CPXM2: variants seen among roughly 807,000 people sequenced by gnomAD.
CPXM2 encodes inactive carboxypeptidase-like protein X2.
In CPXM2, 66 loss-of-function variants were observed where a neutral mutation model predicts 86.1. The observed-to-expected ratio is 0.77, with a 90% CI of 0.63 to 0.94. The LOEUF (loss-of-function observed/expected upper bound fraction) is 0.94, where lower values mean the gene tolerates loss of function less well. Ranked by LOEUF, CPXM2 falls within the 40% of genes least tolerant of loss-of-function variation. CPXM2 has a pLI of 0.00. For missense variants in CPXM2, 948 were observed against 1,026.3 expected, an observed-to-expected ratio of 0.92 and a Z score of 1.04; for synonymous variants, 388 against 400.2, an observed-to-expected ratio of 0.97 and a Z score of 0.36.
At chr10:123,923,617 G>T (rs2362924) in intron 2 of CPXM2, among the ~76,000 whole-genome samples, 1 of 151,860 alleles carries the variant, frequency 6.6e-6, no homozygotes, top group Non-Finnish European at 1.5e-5. Flanking sequence ...CTTAGGACAC[G>T]TGAGGAAATT....
chr10:123,772,965 CTT>C (rs1381133911), intron 7 of CPXM2, among the ~76,000 whole-genome samples: 5 of 151,862 alleles, frequency 3.3e-5, no homozygotes, highest in East Asian at 2.0e-4. Flanking sequence ...TCTTACCTCT[CTT>C]GTTTGTGGTC....
intron 3 of CPXM2, among the ~76,000 whole-genome samples, chr10:123,860,518 AG>A (rs1370341439): frequency 6.6e-6 from 1 of 152,248 alleles, no homozygotes; most frequent in Non-Finnish European, 1.5e-5. Flanking sequence ...CAACACATTT[AG>A]GATTAACAGG....
chr10:123,757,232 A>G lies in CPXM2; in HGVS notation c.1898T>C (p.Leu633Pro). ...ATATACCTGCTCCATGAACACGATC[A>G]GAGATTCCCGGTTATTCTCCCACTC... Reference protein sequence around the residue: ...PEEWENNRESLIVFMEQVHRG... With the variant: ...PEEWENNRESPIVFMEQVHRG... The change falls in exon 12 of 14, where the codon CTG becomes CCG. Residue 633 changes from leucine to proline, a missense_variant. Physicochemically the swap from Leu to Pro is moderately conservative, Grantham distance 98 (BLOSUM62 -3). Coordinates refer to ENST00000241305, the MANE Select transcript of CPXM2 (RefSeq NM_198148.3). 2 of 1,614,090 alleles carry G rather than the reference A, an allele frequency of 1.2e-6. No homozygotes were observed. Among genetic ancestry groups the G allele is most frequent in the Non-Finnish European group, 1.7e-6 (2 of 1,179,954 alleles).
chr10:123,917,430 G>T (rs549476134), intron 2 of CPXM2, among the ~76,000 whole-genome samples: 1 of 152,354 alleles, frequency 6.6e-6, no homozygotes, highest in South Asian at 2.1e-4. Flanking sequence ...GTTGGAGAGA[G>T]CCTGCGGACA....
rs1311549640 is a variant in CPXM2 at position 123,881,227 on chromosome 10, C to CCTTCT, written c.305-923_305-919dup. 3.2e-5 allele frequency among the ~76,000 whole-genome samples: 3 copies of CCTTCT among 93,538 alleles called. 1 individual carries two copies. Among genetic ancestry groups the CCTTCT allele is most frequent in the Non-Finnish European group, 6.8e-5 (3 of 43,886 alleles). The allele number at this position is 93,538 out of a possible 152,430, so 61.4% of individuals were successfully genotyped here. On this transcript the variant is annotated intron_variant, in intron 1 of 13. Coordinates refer to ENST00000241305, the MANE Select transcript of CPXM2 (RefSeq NM_198148.3). ...TATGTTGTTCCTTCTCCTGGAGCAC[C>CCTTCT]CTTCTCTTCCCTTCCCTTCCCTTCC...
chr10:123,938,172 A>G (rs1945740597), intron 2 of CPXM2, among the ~76,000 whole-genome samples: 1 of 152,054 alleles, frequency 6.6e-6, no homozygotes, highest in African/African-American at 2.4e-5. Flanking sequence ...GCACACAATC[A>G]CTAGGAGGTC....
At chr10:123,915,346 C>G (rs1945526603) in intron 2 of CPXM2, among the ~76,000 whole-genome samples, 1 of 152,100 alleles carries the variant, frequency 6.6e-6, no homozygotes. Context: ...TCACTTGAGG[C>G]CAGGAGTTCG....
chr10:123,828,662 G>A (rs919044988), intron 4 of CPXM2, among the ~76,000 whole-genome samples: 3 of 152,158 alleles, frequency 2.0e-5, no homozygotes, highest in Non-Finnish European at 4.4e-5. Context: ...TCAGCAGCAT[G>A]AAAACAAACT....
chr10:123,775,154 GT>G (rs1846751892), intron 7 of CPXM2, among the ~76,000 whole-genome samples: 2 of 152,280 alleles, frequency 1.3e-5, no homozygotes, highest in South Asian at 4.2e-4. Flanking sequence ...CCATGAAGGT[GT>G]AGTAGAGAAA....
intron 2 of CPXM2, among the ~76,000 whole-genome samples, chr10:123,916,423 A>G (rs1025461579): frequency 4.6e-5 from 7 of 152,126 alleles, no homozygotes; most frequent in African/African-American, 1.7e-4. Flanking sequence ...CCATCAAGTC[A>G]CTTAGCTAAG....
At chr10:123,787,173 C>T (rs1847079739) in intron 6 of CPXM2, among the ~76,000 whole-genome samples, 1 of 152,134 alleles carries the variant, frequency 6.6e-6, no homozygotes, top group Non-Finnish European at 1.5e-5. Flanking sequence ...TGCAGCTGGG[C>T]TGTGAGCTAT....
rs1463978524 is a variant in CPXM2, at chr10:123,770,803, T to C, written c.1102+113A>G. Reference sequence around the variant, plus strand: ...CTGTCTACGTGAGACAGCAGTGGTGTGGACAGCTGATGCCCTGTGGCATGA... The same window carrying C: ...CTGTCTACGTGAGACAGCAGTGGTGCGGACAGCTGATGCCCTGTGGCATGA... On this transcript the variant is annotated intron_variant, in intron 8 of 13. Coordinates refer to ENST00000241305, the MANE Select transcript of CPXM2 (RefSeq NM_198148.3). The C allele has an allele frequency of 7.0e-6, 8 of 1,149,974 alleles. No individual in the cohort carries two copies. The Admixed American group carries it at 9.4e-5, about 14-fold the overall frequency. The allele number at this position is 1,149,974 out of a possible 1,614,324, so 71.2% of individuals were successfully genotyped here. A position where few individuals can be genotyped will look rare whatever the true frequency, so the allele number is the denominator to read the frequency against.
chr10:123,852,835 A>G (rs1239590065), intron 3 of CPXM2, among the ~76,000 whole-genome samples: 3 of 152,058 alleles, frequency 2.0e-5, no homozygotes, highest in Admixed American at 2.0e-4. Context: ...CCACCTTCCC[A>G]GAGTCTGCCC....
intron 2 of CPXM2, among the ~76,000 whole-genome samples, chr10:123,867,731 C>T (rs1254815788): frequency 3.9e-5 from 6 of 152,216 alleles, no homozygotes; most frequent in East Asian, 1.9e-4. Context: ...CAGAGTTTCA[C>T]GATGCTGGCC....
At chr10:123,829,375 A>T (rs57028082) in intron 4 of CPXM2, among the ~76,000 whole-genome samples, 40,294 of 148,168 alleles carry the variant, frequency 0.27, 7,125 homozygotes, top group African/African-American at 0.5. Flanking sequence ...TGGAAAAAAA[A>T]TTTTTTTTTT....
chr10:123,867,796 G>A (rs112110512), intron 2 of CPXM2, among the ~76,000 whole-genome samples: 6 of 152,142 alleles, frequency 3.9e-5, no homozygotes, highest in African/African-American at 1.4e-4. Flanking sequence ...GCCTCCCAAA[G>A]TGCTGGGATT....
At position 123,857,895 on chromosome 10, in the gene CPXM2, C is replaced by T. The variant is rs186852439; in HGVS notation, c.513+4719G>A. Reference sequence around the variant, plus strand: ...TAGACTCCACACTCACCCGTGACAGCGCACTCTGTGGTCAGGTGCTGATAC... The same window carrying T: ...TAGACTCCACACTCACCCGTGACAGTGCACTCTGTGGTCAGGTGCTGATAC... On this transcript the variant is annotated intron_variant, in intron 3 of 13. Transcript: ENST00000241305. Among the ~76,000 whole-genome samples, 3 of 151,598 alleles carry T rather than the reference C, an allele frequency of 2.0e-5. No individual in the cohort carries two copies. The East Asian group carries it at 6.1e-4, about 31-fold the overall frequency.
At chr10:123,844,874 G>A (rs1214519040) in intron 3 of CPXM2, among the ~76,000 whole-genome samples, 1 of 151,912 alleles carries the variant, frequency 6.6e-6, no homozygotes, top group Non-Finnish European at 1.5e-5. Context: ...GGGTAAGGCA[G>A]GACTCAACAG....
At chr10:123,928,274 C>T (rs1945640701) in intron 2 of CPXM2, among the ~76,000 whole-genome samples, 1 of 152,196 alleles carries the variant, frequency 6.6e-6, no homozygotes, top group Non-Finnish European at 1.5e-5. Context: ...TCTCCAAAAA[C>T]TCTTCAAAGA....
Sources: gnomAD v4.1 joint callset for allele counts (sites outside exome capture counted in the v4.1 genomes callset) on GRCh38, gnomAD v4.1.1 for gene constraint, MANE v1.5 for transcripts, NCBI Gene and HGNC (gene_info 2026-07-23, HGNC 2026-07-21) for gene names.